RYR1: variants seen among roughly 807,000 people sequenced by gnomAD.
RYR1 encodes central core disease of muscle.
Under a neutral mutation model 583.5 loss-of-function variants are expected in RYR1, and 342 were observed. The observed-to-expected ratio is 0.59, with a 90% CI of 0.54 to 0.64. The LOEUF is 0.64. Among genes scored for constraint, RYR1 ranks in the 30% least tolerant of loss-of-function variants. RYR1 has a pLI of 0.00. For synonymous variants in RYR1, 2,791 were observed against 2,822.5 expected, an observed-to-expected ratio of 0.99 and a Z score of 0.35; for missense variants, 6,032 against 6,917.2, an observed-to-expected ratio of 0.87 and a Z score of 4.54.
intron 89 of RYR1, among the ~76,000 whole-genome samples, chr19:38,554,254 C>A (rs2145808974): frequency 6.7e-6 from 1 of 148,576 alleles, no homozygotes; most frequent in Middle Eastern, 3.4e-3. Context: ...GAGTTCGAGA[C>A]CAGCCTGACC....
chr19:38,478,701 A>G, intron 31 of RYR1, 101 bp downstream of exon 31: 1 of 1,384,534 alleles, frequency 7.2e-7, no homozygotes, highest in East Asian at 2.3e-5. Flanking sequence ...AGATGGAACA[A>G]AAACAGCTCC....
chr19:38,557,807 A>G (rs1028264438), intron 89 of RYR1, among the ~76,000 whole-genome samples: 34 of 151,114 alleles, frequency 2.2e-4, no homozygotes, highest in African/African-American at 8.0e-4. Context: ...TCTGTCTCAA[A>G]AAAAAGAAAT....
chr19:38,464,579 G>A, intron 22 of RYR1, 60 bp from the exon 23 acceptor site: 3 of 1,432,506 alleles, frequency 2.1e-6, no homozygotes, highest in African/African-American at 1.4e-5. Flanking sequence ...GGCCGTGGGA[G>A]GAGACGGGGC....
intron 25 of RYR1, among the ~76,000 whole-genome samples, chr19:38,468,280 A>T (rs1451593353): frequency 6.6e-6 from 1 of 151,690 alleles, no homozygotes; most frequent in African/African-American, 2.4e-5. Flanking sequence ...CCATCCATGC[A>T]TTCAACCATC....
chr19:38,566,448 C>CAAAAAAAAA (rs71165563), intron 91 of RYR1, among the ~76,000 whole-genome samples: 2 of 51,060 alleles, frequency 3.9e-5, no homozygotes, highest in East Asian at 1.1e-3. Flanking sequence ...GACTCTGTCT[C>CAAAAAAAAA]AAAAAAAAAA....
intron 35 of RYR1, 132 bp downstream of exon 35, chr19:38,489,575 C>A: frequency 2.1e-6 from 2 of 935,108 alleles, no homozygotes; most frequent in Non-Finnish European, 1.7e-6. Context: ...GTGAGCAATG[C>A]CAACTTGGAA....
intron 90 of RYR1, among the ~76,000 whole-genome samples, chr19:38,563,750 C>T (rs1466274002): frequency 6.6e-6 from 1 of 152,210 alleles, no homozygotes; most frequent in East Asian, 1.9e-4. Context: ...AGGATTTGAA[C>T]CCAGGCAGGC....
chr19:38,486,044 C>T lies in RYR1; in HGVS notation c.5389C>T (p.Arg1797Cys), dbSNP rs1252469662. The change falls in exon 34 of 106, where the codon CGC becomes TGC. Residue 1797 changes from arginine to cysteine, a missense_variant. Arg to Cys is a radical substitution (Grantham distance 180, BLOSUM62 -3). Transcript: ENST00000359596. Reference protein sequence around the residue: ...PAAGAAEAPARLSPAIPLEAL... With the variant: ...PAAGAAEAPACLSPAIPLEAL... ...TGCTGGGGCAGCAGAGGCCCCGGCCCGCCTCAGCCCTGCCATCCCGCTGGA... is the reference window on the plus strand; with the variant it reads ...TGCTGGGGCAGCAGAGGCCCCGGCCTGCCTCAGCCCTGCCATCCCGCTGGA... 3 of 1,612,736 alleles carry T rather than the reference C, an allele frequency of 1.9e-6. No individual in the cohort carries two copies. The highest frequency in any genetic ancestry group is 2.5e-6 in the Non-Finnish European group (3 of 1,179,512).
Position 38,523,096 on chromosome 19 carries a change from T to C in RYR1, c.10328T>C (p.Ile3443Thr). 5 of 1,613,042 alleles carry C rather than the reference T, an allele frequency of 3.1e-6. No individual in the cohort carries two copies. Among genetic ancestry groups the C allele is most frequent in the Non-Finnish European group, 4.2e-6 (5 of 1,179,866 alleles). Residue 3443 changes from isoleucine (I) to threonine (T), a missense_variant, in exon 68 of 106, where the codon ATC (isoleucine) becomes ACC (threonine). Transcript: ENST00000359596. Reference sequence around the variant, plus strand: ...TTCAGGATGGTGGGCGAGATCTTCATCTACTGGTCCAAGTCCCACGTGAGT... The same window carrying C: ...TTCAGGATGGTGGGCGAGATCTTCACCTACTGGTCCAAGTCCCACGTGAGT... ...ELFRMVGEIFIYWSKSHNFKR... is the reference protein window; with the variant it reads ...ELFRMVGEIFTYWSKSHNFKR...
At chr19:38,466,871 C>T (rs1296577732) in intron 24 of RYR1, among the ~76,000 whole-genome samples, 1 of 152,202 alleles carries the variant, frequency 6.6e-6, no homozygotes, top group Non-Finnish European at 1.5e-5. Flanking sequence ...CTCCCCGAAA[C>T]TCTGAGCCTT....
At position 38,499,178 on chromosome 19, in the gene RYR1, T is replaced by C. The variant is rs370500540; in HGVS notation, c.6962T>C (p.Ile2321Thr). Residue 2321 changes from isoleucine to threonine, a missense_variant, in exon 43 of 106, where the codon ATT (isoleucine) becomes ACT (threonine). Physicochemically the swap from Ile to Thr is moderately conservative, Grantham distance 89 (BLOSUM62 -1). This residue lies in a region of RYR1 where 2,627 missense variants were observed against 2,961.3 expected (regional missense o/e 0.89). Coordinates refer to ENST00000359596, the MANE Select transcript of RYR1 (RefSeq NM_000540.3). The surrounding 1 kb of genome is among the most constrained non-coding windows in gnomAD (Gnocchi z 7.3). Reference protein sequence around the residue: ...PMLVAKGYPDIGWNPCGGERY... With the variant: ...PMLVAKGYPDTGWNPCGGERY... ...CTTGTGGCCAAAGGGTACCCAGACA[T>C]TGGCTGGAACCCCTGTGGTGGAGAG... 1.9e-6 allele frequency: 3 copies of C among 1,614,038 alleles called. No homozygotes were observed. The highest frequency in any genetic ancestry group is 2.7e-5 in the African/African-American group (2 of 74,928).
chr19:38,566,220 G>A (rs1973419258), intron 91 of RYR1, among the ~76,000 whole-genome samples: 1 of 151,798 alleles, frequency 6.6e-6, no homozygotes, highest in Non-Finnish European at 1.5e-5. Flanking sequence ...AGGCCGAGGC[G>A]GGCCGATCAC....
Position 38,543,277 on chromosome 19 carries a change from A to G in RYR1, c.11690-70A>G, listed in dbSNP as rs1484500146. On this transcript the variant is annotated intron_variant, in intron 84 of 105. Transcript: ENST00000359596. The surrounding 1 kb of genome is among the most constrained non-coding windows in gnomAD (Gnocchi z 4.4). ...CAACACATGAGTATTGCATAAATGA[A>G]TAAATGACCCACTGTTCATCTCCCC... The G allele has an allele frequency of 1.5e-6, 2 of 1,321,716 alleles. No individual in the cohort carries two copies. The highest frequency in any genetic ancestry group is 2.2e-6 in the Non-Finnish European group (2 of 913,674). 81.9% of individuals were successfully genotyped at this position (1,321,716 alleles called of 1,614,324 possible). A position where few individuals can be genotyped will look rare whatever the true frequency, so the allele number is the denominator to read the frequency against.
rs760092387 is a variant in RYR1, at chr19:38,499,834, G to A, written c.7214+13G>A. 1 of 1,609,298 alleles carries A rather than the reference G, an allele frequency of 6.2e-7. No individual in the cohort carries two copies. The highest frequency in any genetic ancestry group is 8.5e-7 in the Non-Finnish European group (1 of 1,179,496). ...GGCGGCGCGAGCAGTGAGTCTCCCG[G>A]CCCCCTCCTCAATAGGGCAACCCGC... On this transcript the variant is annotated intron_variant, in intron 44 of 105. Transcript: ENST00000359596. The surrounding 1 kb of genome is among the most constrained non-coding windows in gnomAD (Gnocchi z 7.3).
At chr19:38,508,240 G>A (rs942722816) in intron 58 of RYR1, among the ~76,000 whole-genome samples, 1 of 150,572 alleles carries the variant, frequency 6.6e-6, no homozygotes. Context: ...ACAGAGTTTC[G>A]ATCTTGCTGC....
intron 24 of RYR1, among the ~76,000 whole-genome samples, chr19:38,467,020 A>T (rs1474961642): frequency 2.0e-5 from 3 of 151,988 alleles, no homozygotes; most frequent in Non-Finnish European, 2.9e-5. Flanking sequence ...CTGATTCCTG[A>T]CCTCTAGCTT....
Position 38,433,892 on chromosome 19 carries a change from AG to A in RYR1, c.45+22del. ...TGCGGACGGTGCGTATCTCTGGGTT[AG>A]GGGCCTGTGGGGCTATCTCTTGGGG... On this transcript the variant is annotated intron_variant, in intron 1 of 105. Transcript: ENST00000359596. The A allele has an allele frequency of 1.2e-6, 2 of 1,610,720 alleles. No homozygotes were observed. Among genetic ancestry groups the A allele is most frequent in the Non-Finnish European group, 8.5e-7 (1 of 1,177,054 alleles).
chr19:38,520,757 T>C (rs1358072992), intron 67 of RYR1, among the ~76,000 whole-genome samples: 1 of 141,558 alleles, frequency 7.1e-6, no homozygotes, highest in Non-Finnish European at 1.5e-5. Flanking sequence ...GGTGGTCGTG[T>C]GACATTCTCT....
chr19:38,488,533 CGTCT>C (rs1288164925), intron 34 of RYR1, among the ~76,000 whole-genome samples: 2 of 152,066 alleles, frequency 1.3e-5, no homozygotes, highest in Non-Finnish European at 2.9e-5. Flanking sequence ...ACAGACTCTC[CGTCT>C]GTCATGCAGG....
Sources: gnomAD v4.1 joint callset for allele counts (sites outside exome capture counted in the v4.1 genomes callset) on GRCh38, gnomAD v4.1.1 for gene constraint, gnomAD v4.1.1 regional missense constraint, Gnocchi (gnomAD v3.1) non-coding constraint, MANE v1.5 for transcripts, NCBI Gene and HGNC (gene_info 2026-07-23, HGNC 2026-07-21) for gene names.